NDST4: variants seen among roughly 807,000 people sequenced by gnomAD.
NDST4 encodes N-heparan sulfate sulfotransferase 4.
Under a neutral mutation model 100.8 loss-of-function variants are expected in NDST4, and 63 were observed. The observed-to-expected ratio is 0.62, with a 90% confidence interval of 0.51 to 0.77. NDST4 has a LOEUF of 0.77. Among genes scored for constraint, NDST4 ranks in the 30% least tolerant of loss-of-function variants. The probability of loss-of-function intolerance (pLI) is 0.00; values close to 1 mark genes in which losing one functional copy is unlikely to be tolerated. For missense variants in NDST4, 943 were observed against 1,018.4 expected (o/e 0.93, Z 1.01); for synonymous variants, 377 against 361.8 (o/e 1.04, Z -0.48).
At position 114,975,002 on chromosome 4, in the gene NDST4, C is replaced by T. The variant is rs112463662; in HGVS notation, c.1066+2185G>A. 7.4e-3 allele frequency among the ~76,000 whole-genome samples: 1,121 copies of T among 152,230 alleles called. 23 individuals carry two copies. Among genetic ancestry groups the T allele is most frequent in the African/African-American group, 0.025 (1,040 of 41,574 alleles). The stretch of plus-strand genomic sequence containing the variant: ...ACAAGGCCATCTCCTCATGGTTACA[C>T]ATCACAGCCAAGTGCACATGTAAGG... On this transcript the variant is annotated intron_variant, in intron 3 of 13. Transcript: ENST00000264363.
intron 7 of NDST4, among the ~76,000 whole-genome samples, chr4:114,860,973 G>A (rs557196254): frequency 5.3e-5 from 8 of 152,292 alleles, no homozygotes; most frequent in East Asian, 1.9e-4. Context: ...AATCAGCAAC[G>A]AAATAATTCA....
rs1050880533 is a variant in NDST4, at chr4:114,870,680, A to G, written c.1719+88T>C. 2.9e-6 allele frequency: 3 copies of G among 1,021,018 alleles called. No homozygotes were observed. In the African/African-American group the frequency reaches 5.0e-5, roughly 17 times the overall value. 63.2% of individuals were successfully genotyped at this position (1,021,018 alleles called of 1,614,324 possible). ...TTTTGTGTTAAATTCCAGTTTTAAT[A>G]TGTCCAGCAGAGTGCCTAACACAAA... On this transcript the variant is annotated intron_variant, in intron 7 of 13. Transcript: ENST00000264363.
At chr4:114,906,727 A>G (rs1724955855) in intron 6 of NDST4, among the ~76,000 whole-genome samples, 1 of 152,030 alleles carries the variant, frequency 6.6e-6, no homozygotes, top group Non-Finnish European at 1.5e-5. Flanking sequence ...TTATAAATAT[A>G]TCTCTTAAAA....
intron 1 of NDST4, among the ~76,000 whole-genome samples, chr4:115,081,719 A>C (rs1409204394): frequency 6.6e-6 from 1 of 152,158 alleles, no homozygotes; most frequent in African/African-American, 2.4e-5. Context: ...ATACACCAAA[A>C]TTTTTATTTT....
At chr4:115,085,269 G>A (rs1002840424) in intron 1 of NDST4, among the ~76,000 whole-genome samples, 1 of 152,146 alleles carries the variant, frequency 6.6e-6, no homozygotes, top group Admixed American at 6.5e-5. Context: ...TTGTATCTAG[G>A]AAGTACTTAA....
chr4:114,849,697 A>G (rs944748661), intron 8 of NDST4, among the ~76,000 whole-genome samples: 17 of 152,244 alleles, frequency 1.1e-4, no homozygotes, highest in Non-Finnish European at 1.6e-4. Flanking sequence ...GGCAAAATTA[A>G]TAAATGCCCT....
intron 2 of NDST4, among the ~76,000 whole-genome samples, chr4:115,069,242 G>A (rs1054409183): frequency 1.3e-5 from 2 of 152,142 alleles, no homozygotes; most frequent in African/African-American, 4.8e-5. Flanking sequence ...ACTATATAGT[G>A]GGCAAGTCTA....
intron 2 of NDST4, among the ~76,000 whole-genome samples, chr4:114,995,550 C>T (rs1727140261): frequency 6.6e-6 from 1 of 151,920 alleles, no homozygotes; most frequent in Non-Finnish European, 1.5e-5. Context: ...TTTTGTACTG[C>T]CTAATGTACT....
intron 1 of NDST4, among the ~76,000 whole-genome samples, chr4:115,085,486 G>T (rs1346514088): frequency 6.6e-6 from 1 of 152,106 alleles, no homozygotes; most frequent in East Asian, 1.9e-4. Context: ...ATCTCATCTC[G>T]AATTGTAGTT....
chr4:114,960,378 C>T (rs1000950452), intron 4 of NDST4, among the ~76,000 whole-genome samples: 16 of 151,848 alleles, frequency 1.1e-4, no homozygotes, highest in Non-Finnish European at 1.5e-4. Context: ...GAGGCCAACG[C>T]GGGCAGATCA....
intron 1 of NDST4, among the ~76,000 whole-genome samples, chr4:115,095,302 AC>A (rs1413132530): frequency 2.6e-5 from 4 of 152,048 alleles, no homozygotes; most frequent in Admixed American, 1.3e-4. Flanking sequence ...TTTTCTTGAA[AC>A]CTTTCAGTGT....
intron 6 of NDST4, among the ~76,000 whole-genome samples, chr4:114,923,839 C>T (rs1164820124): frequency 2.6e-5 from 4 of 151,534 alleles, no homozygotes; most frequent in African/African-American, 9.7e-5. Context: ...ACCTTTCATT[C>T]CAAACTTTGG....
At chr4:114,970,085 T>G (rs1339797946) in intron 4 of NDST4, among the ~76,000 whole-genome samples, 1 of 151,750 alleles carries the variant, frequency 6.6e-6, no homozygotes, top group Non-Finnish European at 1.5e-5. Flanking sequence ...CAATAAATTA[T>G]TTTTGAATGG....
intron 6 of NDST4, among the ~76,000 whole-genome samples, chr4:114,911,073 C>A (rs535757115): frequency 3.9e-4 from 60 of 152,102 alleles, no homozygotes; most frequent in Admixed American, 7.2e-4. Flanking sequence ...TGAATCAGAT[C>A]CCTAGTCAAA....
At chr4:115,061,678 G>T (rs141560392) in intron 2 of NDST4, among the ~76,000 whole-genome samples, 1,689 of 152,018 alleles carry the variant, frequency 0.011, 17 homozygotes, top group African/African-American at 0.02. Context: ...CGCATGCGGG[G>T]CTTAAAACCT....
chr4:114,989,322 A>T (rs1726985385), intron 2 of NDST4, among the ~76,000 whole-genome samples: 1 of 152,212 alleles, frequency 6.6e-6, no homozygotes, highest in Admixed American at 6.5e-5. Context: ...GACTGACATT[A>T]TCTACCTTTG....
intron 6 of NDST4, among the ~76,000 whole-genome samples, chr4:114,893,677 C>T (rs1296928857): frequency 6.6e-6 from 1 of 151,866 alleles, no homozygotes. Flanking sequence ...ACATTTTGTC[C>T]CCTTCTTTAG....
intron 1 of NDST4, among the ~76,000 whole-genome samples, chr4:115,089,697 C>A (rs1194995078): frequency 6.6e-6 from 1 of 151,848 alleles, no homozygotes; most frequent in Non-Finnish European, 1.5e-5. Flanking sequence ...ATTAGACACA[C>A]AGTAGATTAG....
chr4:114,991,902 A>T (rs1423850563), intron 2 of NDST4, among the ~76,000 whole-genome samples: 1 of 151,976 alleles, frequency 6.6e-6, no homozygotes, highest in Non-Finnish European at 1.5e-5. Flanking sequence ...TTATTTGTAC[A>T]TATGCCTTCA....
Sources: allele counts gnomAD v4.1 joint callset (sites outside exome capture counted in the v4.1 genomes callset), GRCh38; gene constraint gnomAD v4.1.1; transcripts MANE v1.5; gene names NCBI Gene and HGNC (gene_info 2026-07-23, HGNC 2026-07-21).